LONP2: variants seen among roughly 807,000 people sequenced by gnomAD.
LONP2 encodes the protein lon peptidase 2, peroxisomal.
In LONP2, 60 loss-of-function variants were observed where a neutral mutation model predicts 85.6. The observed-to-expected ratio is 0.70, with a 90% CI of 0.57 to 0.87. The LOEUF is 0.87. Ranked by LOEUF, LONP2 falls within the 40% of genes least tolerant of loss-of-function variation. The pLI, the probability that LONP2 is intolerant of heterozygous loss-of-function variation, is 0.00. For synonymous variants in LONP2, 395 were observed against 389.7 expected, an observed-to-expected ratio of 1.01 and a Z score of -0.16; for missense variants, 860 against 1,063.5, an observed-to-expected ratio of 0.81 and a Z score of 2.66.
At chr16:48,256,966 T>G in intron 3 of LONP2, among the ~76,000 whole-genome samples, 1 of 152,112 alleles carries the variant, frequency 6.6e-6, no homozygotes, top group South Asian at 2.1e-4. Flanking sequence ...CTCTTTTATT[T>G]GCATAATCAG....
rs11552148 is a variant in LONP2, at chr16:48,352,046, T to C, written c.*244T>C. On this transcript the variant is annotated 3_prime_UTR_variant, in exon 15 of 15. Transcript: ENST00000285737. Reference sequence around the variant, plus strand: ...GATCCTTACTGTCCCTGGAAAGATATAGCATAGTGGTTCTCAGCACAGTCT... The same window carrying C: ...GATCCTTACTGTCCCTGGAAAGATACAGCATAGTGGTTCTCAGCACAGTCT... 86,157 of 514,258 alleles carry C rather than the reference T, an allele frequency of 0.17. 8,956 individuals carry two copies. The highest frequency in any genetic ancestry group is 0.35 in the African/African-American group (18,552 of 52,386). The allele number at this position is 514,258 out of a possible 1,614,324, so 31.9% of individuals were successfully genotyped here.
chr16:48,299,571 G>T (rs560789950), intron 9 of LONP2, 91 bp from the exon 10 acceptor site: 54 of 1,381,806 alleles, frequency 3.9e-5, no homozygotes, highest in Non-Finnish European at 5.3e-5. Flanking sequence ...GACAGAGCAA[G>T]ACTCTGTCTC....
At chr16:48,304,619 G>A (rs559648446) in intron 11 of LONP2, among the ~76,000 whole-genome samples, 7 of 152,294 alleles carry the variant, frequency 4.6e-5, no homozygotes, top group South Asian at 4.1e-4. Flanking sequence ...CAGGAGAATC[G>A]CTTGAGCCCA....
downstream of LONP2, among the ~76,000 whole-genome samples, chr16:48,359,402 T>C (rs1960491642): frequency 6.6e-6 from 1 of 152,228 alleles, no homozygotes; most frequent in Admixed American, 6.5e-5. Context: ...AAATCTGTGG[T>C]TGAACTGTTG....
chr16:48,248,782 C>CT (rs1255454937), intron 1 of LONP2, among the ~76,000 whole-genome samples: 1 of 151,094 alleles, frequency 6.6e-6, no homozygotes, highest in African/African-American at 2.4e-5. Flanking sequence ...ACTCATGATG[C>CT]TGAGGCGGAG....
intron 12 of LONP2, among the ~76,000 whole-genome samples, chr16:48,346,368 C>T (rs1290161337): frequency 6.6e-6 from 1 of 152,174 alleles, no homozygotes; most frequent in Non-Finnish European, 1.5e-5. Flanking sequence ...TGATTTTCCA[C>T]TGTTACTTTT....
intron 1 of LONP2, among the ~76,000 whole-genome samples, chr16:48,248,831 A>G (rs1199356906): frequency 3.3e-5 from 5 of 151,150 alleles, no homozygotes; most frequent in Admixed American, 2.6e-4. Flanking sequence ...GCAGTGAGCT[A>G]TAATCGTACC....
intron 6 of LONP2, among the ~76,000 whole-genome samples, chr16:48,263,619 A>G (rs1315011159): frequency 6.6e-6 from 1 of 152,192 alleles, no homozygotes; most frequent in Non-Finnish European, 1.5e-5. Flanking sequence ...TAGACATTTC[A>G]GTTATTTCCG....
At chr16:48,305,012 A>G (rs971649791) in intron 11 of LONP2, among the ~76,000 whole-genome samples, 10 of 152,204 alleles carry the variant, frequency 6.6e-5, no homozygotes, top group Non-Finnish European at 1.5e-4. Context: ...AACACAGTGC[A>G]TTTTACAGCA....
intron 11 of LONP2, among the ~76,000 whole-genome samples, chr16:48,311,794 A>AT (rs1004940576): frequency 1.3e-5 from 2 of 151,810 alleles, no homozygotes; most frequent in African/African-American, 4.8e-5. Flanking sequence ...TTATTTTTTT[A>AT]TTTTTTGTAG....
chr16:48,253,614 A>G (rs1158161636), intron 2 of LONP2, among the ~76,000 whole-genome samples: 1 of 152,184 alleles, frequency 6.6e-6, no homozygotes, highest in Admixed American at 6.5e-5. Context: ...AGAGAAATAG[A>G]ATTTCTTTTT....
intron 11 of LONP2, among the ~76,000 whole-genome samples, chr16:48,322,933 T>C (rs1973297139): frequency 6.6e-6 from 1 of 152,216 alleles, no homozygotes; most frequent in Non-Finnish European, 1.5e-5. Context: ...ACAACATCAC[T>C]AGGCAATAGG....
At chr16:48,282,396 G>A (rs1450624438) in intron 8 of LONP2, among the ~76,000 whole-genome samples, 1 of 134,646 alleles carries the variant, frequency 7.4e-6, no homozygotes, top group African/African-American at 2.9e-5. Flanking sequence ...GGGTGACAGA[G>A]CAAGACTCTG....
chr16:48,275,356 C>T (rs970685197), intron 7 of LONP2, among the ~76,000 whole-genome samples: 5 of 152,248 alleles, frequency 3.3e-5, no homozygotes, highest in South Asian at 2.1e-4. Flanking sequence ...AGTGCTGGCA[C>T]GGTGGATCTG....
chr16:48,348,028 G>A, intron 13 of LONP2, 72 bp from the exon 14 acceptor site: 1 of 1,379,352 alleles, frequency 7.2e-7, no homozygotes, highest in Non-Finnish European at 1.0e-6. Context: ...TTTTGTTTGT[G>A]ACTTTTTTTT....
At chr16:48,295,188 A>G (rs1972641435) in intron 8 of LONP2, among the ~76,000 whole-genome samples, 2 of 152,210 alleles carry the variant, frequency 1.3e-5, no homozygotes, top group African/African-American at 2.4e-5. Context: ...CCTGGCCAAC[A>G]TGGTGAAACC....
intron 1 of LONP2, among the ~76,000 whole-genome samples, chr16:48,251,515 C>G (rs2150962216): frequency 6.6e-6 from 1 of 152,266 alleles, no homozygotes; most frequent in South Asian, 2.1e-4. Context: ...AGATGTGGGT[C>G]TTTCTTTAGC....
In LONP2 at chr16:48,299,618, G is replaced by A. The variant is rs1202369767; in HGVS notation, c.1535-44G>A. On this transcript the variant is annotated intron_variant, in intron 9 of 14. Transcript: ENST00000285737. Reference sequence around the variant, plus strand: ...ACAAAAAACAAAGCATGGCATTATGGGAGCCATGTAAATAATTACAAAACA... The same window carrying A: ...ACAAAAAACAAAGCATGGCATTATGAGAGCCATGTAAATAATTACAAAACA... 4.4e-6 allele frequency: 7 copies of A among 1,575,692 alleles called. No homozygotes were observed. In the Admixed American group the frequency reaches 1.2e-4, roughly 27 times the overall value.
intron 1 of LONP2, among the ~76,000 whole-genome samples, chr16:48,245,494 A>G (rs941941261): frequency 2.0e-5 from 3 of 152,212 alleles, no homozygotes; most frequent in South Asian, 2.1e-4. Flanking sequence ...TTTGCTGTCC[A>G]GTACTGTGTA....
Sources: allele counts gnomAD v4.1 joint callset (sites outside exome capture counted in the v4.1 genomes callset), GRCh38; gene constraint gnomAD v4.1.1; transcripts MANE v1.5; gene names NCBI Gene and HGNC (gene_info 2026-07-23, HGNC 2026-07-21).